The following RAP1GDS1 variants were observed in gnomAD, a reference collection of about 807,000 sequenced individuals.
RAP1GDS1 encodes Rap1 GTPase-GDP dissociation stimulator 1.
A neutral mutation model predicts 71.1 loss-of-function variants in RAP1GDS1; 35 were observed. The ratio of observed to expected loss-of-function variants is 0.49; its 90% confidence interval spans 0.38 to 0.65. RAP1GDS1 has a LOEUF of 0.65. RAP1GDS1 is among the 30% of genes least tolerant of loss of function. The pLI is 0.00. For missense variants in RAP1GDS1, 663 were observed against 706.1 expected (o/e 0.94, Z 0.69); for synonymous variants, 229 against 243.1 (o/e 0.94, Z 0.54).
chr4:98,266,865 G>C (rs935538484), intron 1 of RAP1GDS1, among the ~76,000 whole-genome samples: 6 of 152,060 alleles, frequency 3.9e-5, no homozygotes, highest in Admixed American at 2.6e-4. Flanking sequence ...GGTGACTTTG[G>C]GGAAATAGTG....
chr4:98,348,942 CT>C (rs1406899894), intron 3 of RAP1GDS1, among the ~76,000 whole-genome samples: 3 of 152,124 alleles, frequency 2.0e-5, no homozygotes, highest in Non-Finnish European at 4.4e-5. Context: ...ATGGTAGTTT[CT>C]TTTGCAATGC....
chr4:98,347,421 T>G (rs1736448932), intron 3 of RAP1GDS1, among the ~76,000 whole-genome samples: 1 of 152,200 alleles, frequency 6.6e-6, no homozygotes, highest in Non-Finnish European at 1.5e-5. Context: ...TAGTCTTAGG[T>G]GGAAATCAAC....
chr4:98,365,081 T>A (rs1403242175), intron 4 of RAP1GDS1, among the ~76,000 whole-genome samples: 1 of 152,134 alleles, frequency 6.6e-6, no homozygotes, highest in Admixed American at 6.5e-5. Flanking sequence ...TGATTTATTC[T>A]TGACATTTTC....
At chr4:98,434,602 G>C (rs1216867046) in intron 13 of RAP1GDS1, among the ~76,000 whole-genome samples, 2 of 145,648 alleles carry the variant, frequency 1.4e-5, no homozygotes, top group Non-Finnish European at 3.0e-5. Flanking sequence ...AATTTCATTA[G>C]TTTCAGTTTA....
Position 98,261,534 on chromosome 4 carries a change from G to T in RAP1GDS1, c.-32G>T. On this transcript the variant is annotated 5_prime_UTR_variant, in exon 1 of 15. Transcript: ENST00000408927. ...CGCCCGCACCACAGACCTTCGCCTC[G>T]CCCCGCCGGTTCCTCACCCTCGGGG... The T allele has an allele frequency of 6.3e-7, 1 of 1,594,056 alleles. No individual in the cohort carries two copies. Among genetic ancestry groups the T allele is most frequent in the Non-Finnish European group, 8.6e-7 (1 of 1,168,708 alleles).
intron 14 of RAP1GDS1, 42 bp from the exon 15 acceptor site, chr4:98,441,948 A>G (rs766062655): frequency 6.2e-7 from 1 of 1,605,604 alleles, no homozygotes; most frequent in Admixed American, 1.7e-5. Context: ...TAGACTTAGA[A>G]CAACCTAACA....
At chr4:98,277,185 A>G (rs1192104168) in intron 1 of RAP1GDS1, among the ~76,000 whole-genome samples, 1 of 152,230 alleles carries the variant, frequency 6.6e-6, no homozygotes, top group Non-Finnish European at 1.5e-5. Flanking sequence ...AAGTGAGTTG[A>G]TGGAAAACTG....
At position 98,404,557 on chromosome 4, in the gene RAP1GDS1, A is replaced by G. The variant is rs1414201368; in HGVS notation, c.718A>G (p.Lys240Glu). The change falls in exon 7 of 15, where the codon AAG becomes GAG. Residue 240 changes from lysine to glutamate, a missense_variant. Physicochemically the swap from Lys to Glu is moderately conservative, Grantham distance 56 (BLOSUM62 1). Transcript: ENST00000408927. ...KLFKKQIEHD[K>E]REMIFEVLAP... ...CTTCAAGAAACAAATAGAACATGATAAGAGAGAAATGATTTTTGAAGTTCT... is the reference window on the plus strand; with the variant it reads ...CTTCAAGAAACAAATAGAACATGATGAGAGAGAAATGATTTTTGAAGTTCT... 6.2e-7 allele frequency: 1 copy of G among 1,605,908 alleles called. No individual in the cohort carries two copies. Among genetic ancestry groups the G allele is most frequent in the Admixed American group, 1.7e-5 (1 of 58,516 alleles).
intron 10 of RAP1GDS1, 109 bp from the exon 11 acceptor site, chr4:98,419,910 G>T: frequency 8.6e-7 from 1 of 1,159,866 alleles, no homozygotes; most frequent in Non-Finnish European, 1.2e-6. Context: ...TTTCTAAATG[G>T]AAAAATAAAA....
At chr4:98,399,377 T>C (rs1745023784) in intron 6 of RAP1GDS1, among the ~76,000 whole-genome samples, 1 of 152,174 alleles carries the variant, frequency 6.6e-6, no homozygotes, top group Non-Finnish European at 1.5e-5. Flanking sequence ...AGGGTCTCAC[T>C]CTGTCACACA....
intron 14 of RAP1GDS1, chr4:98,441,518 T>G (rs1347795356): frequency 1.0e-6 from 1 of 983,786 alleles, no homozygotes; most frequent in African/African-American, 1.7e-5. Flanking sequence ...TAACCAAACC[T>G]TGAGATCATA....
chr4:98,282,560 G>C (rs1257972360), intron 1 of RAP1GDS1, among the ~76,000 whole-genome samples: 1 of 148,876 alleles, frequency 6.7e-6, no homozygotes. Context: ...CAAAAAACCA[G>C]CTCCTGGATT....
chr4:98,423,168 ACTGT>A (rs1215063731), intron 12 of RAP1GDS1, among the ~76,000 whole-genome samples: 21 of 152,342 alleles, frequency 1.4e-4, no homozygotes, highest in African/African-American at 5.1e-4. Context: ...AGACTAACAC[ACTGT>A]CTGGGTAATC....
At position 98,349,171 on chromosome 4, in the gene RAP1GDS1, C is replaced by T. The variant is rs1453157944; in HGVS notation, c.236-3305C>T. ...AAGGTGTAAGGAAGGGATCCAGTTTCAGCTTTCTACATATGGCTAACCAGT... is the reference window on the plus strand; with the variant it reads ...AAGGTGTAAGGAAGGGATCCAGTTTTAGCTTTCTACATATGGCTAACCAGT... On this transcript the variant is annotated intron_variant, in intron 3 of 14. Coordinates refer to ENST00000408927, the MANE Select transcript of RAP1GDS1 (RefSeq NM_001100427.2). Among the ~76,000 whole-genome samples the T allele has an allele frequency of 3.9e-5, 6 of 152,194 alleles. No individual in the cohort carries two copies. The South Asian group carries it at 8.3e-4, about 21-fold the overall frequency.
intron 14 of RAP1GDS1, chr4:98,441,359 A>G (rs934173638): frequency 1.0e-6 from 1 of 984,980 alleles, no homozygotes. Context: ...AGAGGACAAA[A>G]AATCTAAAAG....
intron 2 of RAP1GDS1, 111 bp downstream of exon 2, chr4:98,293,626 C>G (rs1560785724): frequency 1.3e-6 from 1 of 760,936 alleles, no homozygotes; most frequent in Admixed American, 2.8e-5. Flanking sequence ...AACTTGAATT[C>G]TTTTGAATCA....
At chr4:98,291,652 A>G (rs1726941755) in intron 1 of RAP1GDS1, among the ~76,000 whole-genome samples, 3 of 152,206 alleles carry the variant, frequency 2.0e-5, no homozygotes, top group Admixed American at 2.0e-4. Context: ...CTCTATTTGT[A>G]GAGTCACAAT....
At chr4:98,297,109 A>AC (rs1727898272) in intron 2 of RAP1GDS1, 1 of 165,076 alleles carries the variant, frequency 6.1e-6, no homozygotes, top group Non-Finnish European at 1.3e-5. Flanking sequence ...TTTTTATAGA[A>AC]CAACTCTGTG....
At chr4:98,279,574 T>C (rs1373098811) in intron 1 of RAP1GDS1, among the ~76,000 whole-genome samples, 1 of 152,104 alleles carries the variant, frequency 6.6e-6, no homozygotes, top group East Asian at 1.9e-4. Flanking sequence ...ATACATATAT[T>C]GCATAATTTA....
Sources: gnomAD v4.1 joint callset for allele counts (sites outside exome capture counted in the v4.1 genomes callset) on GRCh38, gnomAD v4.1.1 for gene constraint, MANE v1.5 for transcripts, NCBI Gene and HGNC (gene_info 2026-07-23, HGNC 2026-07-21) for gene names.